Variants in ITSN1 observed in about 807,000 individuals in gnomAD.
ITSN1 encodes intersectin-1.
ITSN1 carries 58 observed loss-of-function variants against 239.8 expected under a neutral mutation model. The observed-to-expected ratio is 0.24, with a 90% CI of 0.20 to 0.30. The LOEUF (loss-of-function observed/expected upper bound fraction) is 0.30. Ranked by LOEUF, ITSN1 falls within the 10% of genes least tolerant of loss-of-function variation. The pLI, the probability that ITSN1 is intolerant of heterozygous loss-of-function variation, is 1.00. For synonymous variants in ITSN1, 780 were observed against 770.8 expected (o/e 1.01, Z -0.20); for missense variants, 1,558 against 2,103.3 (o/e 0.74, Z 5.07).
chr21:33,643,102 C>A (rs1286967349), intron 1 of ITSN1, among the ~76,000 whole-genome samples: 3 of 150,958 alleles, frequency 2.0e-5, no homozygotes, highest in Non-Finnish European at 4.4e-5. Flanking sequence ...TGCCCTCGGC[C>A]GCCGGCGAGG....
intron 5 of ITSN1, among the ~76,000 whole-genome samples, chr21:33,743,455 G>A (rs568663794): frequency 7.9e-5 from 12 of 152,314 alleles, no homozygotes; most frequent in Middle Eastern, 3.4e-3. Flanking sequence ...GATAGAGTGA[G>A]ACTAGGTCTC....
In ITSN1 at chr21:33,721,248, G is replaced by T; in HGVS notation, c.99G>T (p.Lys33Asn). The part of the protein sequence containing the change: ...AKHDQQFHSL[K>N]PISGFITGDQ... ...ATGATCAGCAGTTCCATAGTTTAAA[G>T]CCAATATCTGGATTCATTACTGGTA... Residue 33 changes from lysine to asparagine, a missense_variant, in exon 3 of 40, where the codon AAG (lysine) becomes AAT (asparagine). Lys to Asn is a moderately conservative substitution (Grantham distance 94). Transcript: ENST00000381318. 2 of 1,609,550 alleles carry T rather than the reference G, an allele frequency of 1.2e-6. No individual in the cohort carries two copies.
intron 1 of ITSN1, among the ~76,000 whole-genome samples, chr21:33,674,561 A>G (rs1186860025): frequency 6.6e-6 from 1 of 152,272 alleles, no homozygotes; most frequent in East Asian, 1.9e-4. Flanking sequence ...TGTGTTTGGG[A>G]ACAGGATCCC....
intron 1 of ITSN1, among the ~76,000 whole-genome samples, chr21:33,680,706 C>T (rs2090900148): frequency 6.6e-6 from 1 of 152,082 alleles, no homozygotes; most frequent in South Asian, 2.1e-4. Flanking sequence ...TGAAGTCCTG[C>T]CCAGACTTTT....
chr21:33,655,370 T>C (rs906254101), intron 1 of ITSN1, among the ~76,000 whole-genome samples: 107 of 152,224 alleles, frequency 7.0e-4, no homozygotes, highest in African/African-American at 2.3e-3. Flanking sequence ...TATGTGCATC[T>C]GTATAGGGGG....
At chr21:33,777,051 A>C (rs555754951) in intron 14 of ITSN1, among the ~76,000 whole-genome samples, 90 of 152,228 alleles carry the variant, frequency 5.9e-4, no homozygotes, top group Non-Finnish European at 1.2e-3. Flanking sequence ...AATAATTTTT[A>C]CAAGTTTTTA....
At chr21:33,860,501 C>A (rs1428764752) in intron 31 of ITSN1, among the ~76,000 whole-genome samples, 1 of 152,140 alleles carries the variant, frequency 6.6e-6, no homozygotes, top group African/African-American at 2.4e-5. Context: ...CTCCCCATAC[C>A]TCTCTGTTGT....
intron 29 of ITSN1, among the ~76,000 whole-genome samples, chr21:33,841,325 A>G (rs993585388): frequency 6.6e-6 from 1 of 152,228 alleles, no homozygotes; most frequent in African/African-American, 2.4e-5. Flanking sequence ...TCTTACCTAT[A>G]AAAACAGCAA....
intron 29 of ITSN1, among the ~76,000 whole-genome samples, chr21:33,842,406 A>G (rs984994748): frequency 6.6e-6 from 1 of 152,204 alleles, no homozygotes; most frequent in African/African-American, 2.4e-5. Context: ...ATCAGCTATA[A>G]GATATATATA....
chr21:33,843,287 A>G lies in ITSN1; in HGVS notation c.3661+6655A>G, dbSNP rs539776816. ...CAGAACTGGTGGCTGCATCTTTGGAAAGATCGGGAAGGGGCCCCTCTTGCC... is the reference window on the plus strand; with the variant it reads ...CAGAACTGGTGGCTGCATCTTTGGAGAGATCGGGAAGGGGCCCCTCTTGCC... On this transcript the variant is annotated intron_variant, in intron 29 of 39. Coordinates refer to ENST00000381318, the MANE Select transcript of ITSN1 (RefSeq NM_003024.3). Among the ~76,000 whole-genome samples, 16 of 152,290 alleles carry G rather than the reference A, an allele frequency of 1.1e-4. No homozygotes were observed. The East Asian group carries it at 3.1e-3, about 29-fold the overall frequency.
At chr21:33,700,204 C>T (rs1036920033) in intron 1 of ITSN1, among the ~76,000 whole-genome samples, 1 of 152,130 alleles carries the variant, frequency 6.6e-6, no homozygotes, top group Non-Finnish European at 1.5e-5. Context: ...CCTGCCTCAG[C>T]CTCCCGAGTA....
chr21:33,765,359 A>C (rs1180883757), intron 9 of ITSN1, among the ~76,000 whole-genome samples: 1 of 152,220 alleles, frequency 6.6e-6, no homozygotes, highest in African/African-American at 2.4e-5. Context: ...TTAGCTAGGC[A>C]TGGTGGCGCA....
intron 1 of ITSN1, among the ~76,000 whole-genome samples, chr21:33,681,829 C>T (rs1370363136): frequency 6.6e-6 from 1 of 151,532 alleles, no homozygotes; most frequent in Non-Finnish European, 1.5e-5. Context: ...CACCACTATG[C>T]CCGGCTAATT....
rs569399888 is a variant in ITSN1, at chr21:33,751,095, A to G, written c.527-715A>G. 3.9e-5 allele frequency among the ~76,000 whole-genome samples: 6 copies of G among 152,334 alleles called. No individual in the cohort carries two copies. In the South Asian group the frequency reaches 1.2e-3, roughly 32 times the overall value. On this transcript the variant is annotated intron_variant, in intron 6 of 39. Coordinates refer to ENST00000381318, the MANE Select transcript of ITSN1 (RefSeq NM_003024.3). ...TATTTAAGTTATGGCCAAATAAGCT[A>G]AATGTATCTCCTTTTTTTAGATTTT...
At chr21:33,875,766 C>T (rs1347693526) in intron 34 of ITSN1, among the ~76,000 whole-genome samples, 9 of 152,112 alleles carry the variant, frequency 5.9e-5, no homozygotes, top group Admixed American at 1.3e-4. Context: ...CTGCAACCTC[C>T]GCCTCCCCGG....
Position 33,829,677 on chromosome 21 carries a change from C to G in ITSN1, c.3283C>G (p.Leu1095Val), listed in dbSNP as rs1453844010. 3 of 1,612,694 alleles carry G rather than the reference C, an allele frequency of 1.9e-6. No homozygotes were observed. Among genetic ancestry groups the G allele is most frequent in the Admixed American group, 1.7e-5 (1 of 59,994 alleles). The change falls in exon 27 of 40, where the codon CTC becomes GTC. Residue 1095 changes from leucine (L) to valine (V), a missense_variant. This residue lies in a region of ITSN1 where 576 missense variants were observed against 893.3 expected (regional missense o/e 0.64). Coordinates refer to ENST00000381318, the MANE Select transcript of ITSN1 (RefSeq NM_003024.3). ...YTATGPEQLTLAPGQLILIRK... is the reference protein window; with the variant it reads ...YTATGPEQLTVAPGQLILIRK... ...CGCCACCGGCCCCGAGCAGCTCACT[C>G]TCGCCCCTGGTCAGCTGATTTTGAT...
chr21:33,798,381 T>C (rs1268582898), intron 18 of ITSN1, among the ~76,000 whole-genome samples: 1 of 151,796 alleles, frequency 6.6e-6, no homozygotes, highest in Non-Finnish European at 1.5e-5. Flanking sequence ...ATTACAAGCA[T>C]GAGCCACCAT....
At chr21:33,776,143 A>G (rs1383072342) in intron 14 of ITSN1, among the ~76,000 whole-genome samples, 1 of 152,210 alleles carries the variant, frequency 6.6e-6, no homozygotes, top group African/African-American at 2.4e-5. Flanking sequence ...ACTTTTATGA[A>G]TAAAACTGCA....
intron 1 of ITSN1, among the ~76,000 whole-genome samples, chr21:33,698,641 G>T (rs565408829): frequency 6.6e-6 from 1 of 152,158 alleles, no homozygotes; most frequent in Non-Finnish European, 1.5e-5. Flanking sequence ...GCATTGATCA[G>T]GTTGGCTATA....
Sources: gnomAD v4.1 joint callset for allele counts (sites outside exome capture counted in the v4.1 genomes callset) on GRCh38, gnomAD v4.1.1 for gene constraint, gnomAD v4.1.1 regional missense constraint, MANE v1.5 for transcripts, NCBI Gene and HGNC (gene_info 2026-07-23, HGNC 2026-07-21) for gene names.